CHD5: variants seen among roughly 807,000 people sequenced by gnomAD.
CHD5 encodes ATP-dependent chromatin remodeler CHD5.
CHD5 carries 69 observed loss-of-function variants against 230.3 expected under a neutral mutation model. That is an observed-to-expected ratio of 0.30 (90% CI 0.25 to 0.37). CHD5 has a LOEUF of 0.37. Among genes scored for constraint, CHD5 ranks in the 10% least tolerant of loss-of-function variants. The probability of loss-of-function intolerance (pLI) is 1.00; values close to 1 mark genes in which losing one functional copy is unlikely to be tolerated. For missense variants in CHD5, 1,827 were observed against 2,622.8 expected (o/e 0.70, Z 6.63); for synonymous variants, 1,064 against 1,065.9 (o/e 1.00, Z 0.03).
At chr1:6,107,699 A>G (rs1666212306) in intron 38 of CHD5, among the ~76,000 whole-genome samples, 1 of 136,018 alleles carries the variant, frequency 7.4e-6, no homozygotes, top group Non-Finnish European at 1.6e-5. Flanking sequence ...GGATGGAGGG[A>G]TGATGGAGAG....
intron 2 of CHD5, among the ~76,000 whole-genome samples, chr1:6,165,420 C>T (rs1035160155): frequency 3.9e-5 from 6 of 152,190 alleles, no homozygotes; most frequent in African/African-American, 1.4e-4. Context: ...AGACCCAGGC[C>T]CAGGTGACAC....
rs35569300 is a variant in CHD5 at position 6,159,006 on chromosome 1, CAA to C, written c.387+328_387+329del. Reference sequence around the variant, plus strand: ...TGGGCGACAGAGCGAGACTCCGTCTCAAAAAAAAAAAAAAAAAAAAGAGATGG... The same window carrying C: ...TGGGCGACAGAGCGAGACTCCGTCTCAAAAAAAAAAAAAAAAAAGAGATGG... On this transcript the variant is annotated intron_variant, in intron 3 of 41. Transcript: ENST00000262450. 2.3e-3 allele frequency among the ~76,000 whole-genome samples: 148 copies of C among 63,610 alleles called. 1 individual carries two copies. The East Asian group carries it at 0.046, about 20-fold the overall frequency. 41.7% of individuals were successfully genotyped at this position (63,610 alleles called of 152,430 possible).
rs1248201584 is a variant in CHD5 at position 6,125,639 on chromosome 1, C to T, written c.4172-27G>A. 3 of 1,612,664 alleles carry T rather than the reference C, an allele frequency of 1.9e-6. No homozygotes were observed. The highest frequency in any genetic ancestry group is 2.2e-5 in the South Asian group (2 of 91,028). On this transcript the variant is annotated intron_variant, in intron 27 of 41. Coordinates refer to ENST00000262450, the MANE Select transcript of CHD5 (RefSeq NM_015557.3). The surrounding 1 kb of genome is among the most constrained non-coding windows in gnomAD (Gnocchi z 6.7). Reference sequence around the variant, plus strand: ...TGGGGAGCAGCCCGCCACAGTTCCTCAGGTGGGAGCCCAGAGATTCCTGAT... The same window carrying T: ...TGGGGAGCAGCCCGCCACAGTTCCTTAGGTGGGAGCCCAGAGATTCCTGAT...
intron 33 of CHD5, among the ~76,000 whole-genome samples, chr1:6,120,781 T>C (rs928725877): frequency 2.0e-5 from 3 of 152,160 alleles, no homozygotes; most frequent in Non-Finnish European, 4.4e-5. Context: ...TACACGCCTG[T>C]AGTCCCAGCT....
chr1:6,166,831 A>G (rs1432746604), intron 2 of CHD5, among the ~76,000 whole-genome samples: 1 of 152,146 alleles, frequency 6.6e-6, no homozygotes, highest in Non-Finnish European at 1.5e-5. Context: ...GTCATGTCAT[A>G]GCAGTCCCTC....
intron 15 of CHD5, 111 bp from the exon 16 acceptor site, chr1:6,136,976 A>C: frequency 4.9e-6 from 6 of 1,234,092 alleles, no homozygotes; most frequent in South Asian, 1.6e-5. Context: ...CAAAGGCTCC[A>C]CGGAGCCCTG....
intron 17 of CHD5, among the ~76,000 whole-genome samples, 173 bp downstream of exon 17, chr1:6,136,344 C>CA (rs1475135853): frequency 6.6e-6 from 1 of 152,242 alleles, no homozygotes; most frequent in Admixed American, 6.5e-5. Context: ...GCCACCCACC[C>CA]CAACACCCTG....
Position 6,125,662 on chromosome 1 carries a change from G to T in CHD5, c.4172-50C>A, listed in dbSNP as rs771230819. On this transcript the variant is annotated intron_variant, in intron 27 of 41. Transcript: ENST00000262450. This position sits in a 1 kb window ranked among gnomAD's most constrained non-coding sequence, Gnocchi z 6.7. ...CTCAGGTGGGAGCCCAGAGATTCCT[G>T]ATCCCCAAGGACAGCGGGACCCCAG... The T allele has an allele frequency of 6.2e-7, 1 of 1,608,250 alleles. No homozygotes were observed. Among genetic ancestry groups the T allele is most frequent in the East Asian group, 2.2e-5 (1 of 44,850 alleles).
chr1:6,134,026 T>A lies in CHD5; in HGVS notation c.3144+102A>T, dbSNP rs559098920. The A allele has an allele frequency of 8.0e-5, 94 of 1,171,920 alleles. No individual in the cohort carries two copies. In the African/African-American group the frequency reaches 1.2e-3, roughly 15 times the overall value. The allele number at this position is 1,171,920 out of a possible 1,614,324, so 72.6% of individuals were successfully genotyped here. ...CACATGACCCACATGGGAACGGCACTGGGCCCTGAGGGGTGCCAGCAAGTT... is the reference window on the plus strand; with the variant it reads ...CACATGACCCACATGGGAACGGCACAGGGCCCTGAGGGGTGCCAGCAAGTT... On this transcript the variant is annotated intron_variant, in intron 20 of 41. Coordinates refer to ENST00000262450, the MANE Select transcript of CHD5 (RefSeq NM_015557.3). The surrounding 1 kb of genome is among the most constrained non-coding windows in gnomAD (Gnocchi z 6.3).
Position 6,146,565 on chromosome 1 carries a change from C to T in CHD5, c.1590+100G>A. ...GCACCACCCCAACTCCCAACAGCAC[C>T]CCTCAGTCAGAGGCGCTTCAGCCCC... is the stretch of plus-strand genomic sequence containing the variant. On this transcript the variant is annotated intron_variant, in intron 10 of 41. Coordinates refer to ENST00000262450, the MANE Select transcript of CHD5 (RefSeq NM_015557.3). This position sits in a 1 kb window ranked among gnomAD's most constrained non-coding sequence, Gnocchi z 5.1. 1.4e-6 allele frequency: 2 copies of T among 1,415,856 alleles called. No individual in the cohort carries two copies. Among genetic ancestry groups the T allele is most frequent in the Non-Finnish European group, 9.9e-7 (1 of 1,007,178 alleles). 87.7% of individuals were successfully genotyped at this position (1,415,856 alleles called of 1,614,324 possible).
chr1:6,159,643 T>C (rs914752447), intron 2 of CHD5, 128 bp from the exon 3 acceptor site: 1 of 734,868 alleles, frequency 1.4e-6, no homozygotes, highest in Admixed American at 2.8e-5. Flanking sequence ...ATCACTCCAC[T>C]CATCATCAGA....
chr1:6,136,459 C>G, intron 17 of CHD5, 58 bp downstream of exon 17: 1 of 1,598,268 alleles, frequency 6.3e-7, no homozygotes, highest in South Asian at 1.1e-5. Context: ...ATTGATCCGT[C>G]TTCACTGGGG....
rs111561200 is a variant in CHD5, at chr1:6,132,880, TTCTCTC to T, written c.3145-1138_3145-1133del. Among the ~76,000 whole-genome samples, 19 of 144,522 alleles carry T rather than the reference TTCTCTC, an allele frequency of 1.3e-4. 1 individual carries two copies. The highest frequency in any genetic ancestry group is 1.8e-4 in the African/African-American group (7 of 39,156). The allele number at this position is 144,522 out of a possible 152,430, so 94.8% of individuals were successfully genotyped here. A position where few individuals can be genotyped will look rare whatever the true frequency, so the allele number is the denominator to read the frequency against. The stretch of plus-strand genomic sequence containing the variant: ...AGTCTTTTCAGGCTATCCTATTCTT[TTCTCTC>T]TCTCTCTCTCTCTCTCTCTCTCTCA... On this transcript the variant is annotated intron_variant, in intron 20 of 41. Transcript: ENST00000262450.
At chr1:6,111,462 A>T (rs1480992041) in intron 36 of CHD5, among the ~76,000 whole-genome samples, 1 of 150,926 alleles carries the variant, frequency 6.6e-6, no homozygotes, top group South Asian at 2.1e-4. Context: ...TGAACCCGGG[A>T]GGCAGCAGTT....
chr1:6,113,176 T>C (rs1666320446), intron 33 of CHD5, 178 bp from the exon 34 acceptor site: 2 of 594,354 alleles, frequency 3.4e-6, no homozygotes, highest in Non-Finnish European at 6.0e-6. Context: ...GTAATCCCAG[T>C]ATTTTGGGAG....
intron 1 of CHD5, among the ~76,000 whole-genome samples, chr1:6,173,383 C>T (rs1335848371): frequency 6.6e-6 from 1 of 152,180 alleles, no homozygotes; most frequent in East Asian, 1.9e-4. Context: ...GGATTACAGG[C>T]ATGAGCCACC....
rs762782792 is a variant in CHD5 at position 6,112,866 on chromosome 1, G to T, written c.5002+43C>A. 6 of 1,467,154 alleles carry T rather than the reference G, an allele frequency of 4.1e-6. No homozygotes were observed. In the Admixed American group the frequency reaches 8.9e-5, roughly 22 times the overall value. The allele number at this position is 1,467,154 out of a possible 1,614,324, so 90.9% of individuals were successfully genotyped here. ...AACAGGGTCCAGAGGGCACCCTCAA[G>T]GGACCATGGGGCACAGGTAGAGAAC... On this transcript the variant is annotated intron_variant, in intron 34 of 41. Coordinates refer to ENST00000262450, the MANE Select transcript of CHD5 (RefSeq NM_015557.3).
Position 6,142,062 on chromosome 1 carries a change from C to T in CHD5, c.2436+66G>A. ...TGAGGGACCCCAAAGGAGTGCACGG[C>T]ACCCGTGGTCCCTGAACTAGACCGG... On this transcript the variant is annotated intron_variant, in intron 15 of 41. Transcript: ENST00000262450. The surrounding 1 kb of genome is among the most constrained non-coding windows in gnomAD (Gnocchi z 5.2). 2 of 1,439,366 alleles carry T rather than the reference C, an allele frequency of 1.4e-6. No individual in the cohort carries two copies. Among genetic ancestry groups the T allele is most frequent in the Non-Finnish European group, 1.9e-6 (2 of 1,026,360 alleles). 89.2% of individuals were successfully genotyped at this position (1,439,366 alleles called of 1,614,324 possible).
chr1:6,124,244 C>T, intron 30 of CHD5, 137 bp from the exon 31 acceptor site: 1 of 853,612 alleles, frequency 1.2e-6, no homozygotes, highest in Non-Finnish European at 1.8e-6. Context: ...CCAAGGCTGG[C>T]CAAGCCAGGC....
Sources: allele counts gnomAD v4.1 joint callset (sites outside exome capture counted in the v4.1 genomes callset), GRCh38; gene constraint gnomAD v4.1.1; non-coding constraint Gnocchi (gnomAD v3.1); transcripts MANE v1.5; gene names NCBI Gene and HGNC (gene_info 2026-07-23, HGNC 2026-07-21).